TRPS1: variants seen among roughly 807,000 people sequenced by gnomAD.
TRPS1 encodes transcriptional repressor GATA binding 1.
TRPS1 carries 6 observed loss-of-function variants against 101.2 expected under a neutral mutation model. The ratio of observed to expected loss-of-function variants is 0.06; its 90% CI spans 0.03 to 0.12. TRPS1 has a LOEUF of 0.12. Among genes scored for constraint, TRPS1 ranks in the 10% least tolerant of loss-of-function variants. The pLI is 1.00. For missense variants in TRPS1, 1,363 were observed against 1,567.0 expected (o/e 0.87, Z 2.20); for synonymous variants, 578 against 589.8 (o/e 0.98, Z 0.29).
At chr8:115,478,906 T>C (rs2625675) in intron 5 of TRPS1, among the ~76,000 whole-genome samples, 47,641 of 148,320 alleles carry the variant, frequency 0.32, 9,101 homozygotes, top group Non-Finnish European at 0.45. Flanking sequence ...TATATGTATA[T>C]AAATGTATAT....
chr8:115,511,775 C>T (rs1475581170), intron 5 of TRPS1, among the ~76,000 whole-genome samples: 1 of 151,794 alleles, frequency 6.6e-6, no homozygotes, highest in African/African-American at 2.4e-5. Context: ...AATTGCTAGT[C>T]AAGTTAAATA....
At chr8:115,464,812 C>A (rs1357365308) in intron 5 of TRPS1, among the ~76,000 whole-genome samples, 1 of 152,060 alleles carries the variant, frequency 6.6e-6, no homozygotes, top group Non-Finnish European at 1.5e-5. Flanking sequence ...CTGTCAGGAA[C>A]ACTTTTATGT....
chr8:115,642,612 A>T (rs1818926535), intron 1 of TRPS1, among the ~76,000 whole-genome samples: 1 of 151,986 alleles, frequency 6.6e-6, no homozygotes, highest in Admixed American at 6.6e-5. Context: ...GCCAACAAAA[A>T]TTTAAAATTG....
chr8:115,417,390 G>C (rs1349831960), intron 6 of TRPS1, among the ~76,000 whole-genome samples: 1 of 152,106 alleles, frequency 6.6e-6, no homozygotes, highest in Admixed American at 6.6e-5. Context: ...AGAACATTTT[G>C]TCTAAAAGTG....
intron 5 of TRPS1, among the ~76,000 whole-genome samples, chr8:115,511,753 G>A (rs1040989829): frequency 6.6e-6 from 1 of 151,810 alleles, no homozygotes; most frequent in Non-Finnish European, 1.5e-5. Flanking sequence ...AGGGTGAATC[G>A]CTTGCAAGTT....
intron 5 of TRPS1, among the ~76,000 whole-genome samples, chr8:115,421,435 T>C (rs774261315): frequency 3.9e-5 from 6 of 152,224 alleles, no homozygotes; most frequent in Non-Finnish European, 5.9e-5. Context: ...AATCTTGTTA[T>C]TGAATATTTG....
chr8:115,515,448 T>A (rs1170524889), intron 5 of TRPS1, among the ~76,000 whole-genome samples: 2 of 151,526 alleles, frequency 1.3e-5, no homozygotes, highest in African/African-American at 4.8e-5. Context: ...TGTCATTAGT[T>A]TGGCATGTAG....
intron 5 of TRPS1, among the ~76,000 whole-genome samples, chr8:115,508,336 A>G (rs1206654738): frequency 6.6e-6 from 1 of 152,162 alleles, no homozygotes; most frequent in South Asian, 2.1e-4. Flanking sequence ...GAGAATCATC[A>G]TACACAGCTT....
chr8:115,484,312 T>A (rs1173770112), intron 5 of TRPS1, among the ~76,000 whole-genome samples: 2 of 152,158 alleles, frequency 1.3e-5, no homozygotes, highest in Non-Finnish European at 2.9e-5. Flanking sequence ...ATAATATGAC[T>A]AATATATATT....
intron 5 of TRPS1, among the ~76,000 whole-genome samples, chr8:115,581,549 C>T (rs1010533200): frequency 2.6e-5 from 4 of 151,878 alleles, no homozygotes; most frequent in African/African-American, 9.7e-5. Flanking sequence ...AAAAAAAGTG[C>T]TTTAAAAAAT....
chr8:115,443,713 G>A (rs1012647050), intron 5 of TRPS1, among the ~76,000 whole-genome samples: 6 of 152,078 alleles, frequency 3.9e-5, no homozygotes, highest in African/African-American at 9.7e-5. Flanking sequence ...CTGGGGTGAG[G>A]ACTAAAGGAA....
At chr8:115,643,584 G>A (rs1818951148) in intron 1 of TRPS1, among the ~76,000 whole-genome samples, 1 of 152,094 alleles carries the variant, frequency 6.6e-6, no homozygotes, top group African/African-American at 2.4e-5. Flanking sequence ...TAGTTCTCTT[G>A]CTATTTCTAC....
intron 5 of TRPS1, among the ~76,000 whole-genome samples, chr8:115,479,942 G>A (rs1442476049): frequency 6.6e-6 from 1 of 152,086 alleles, no homozygotes; most frequent in Non-Finnish European, 1.5e-5. Context: ...TTCCCAGGTA[G>A]TAAAATGGTT....
chr8:115,625,898 C>T (rs1009513689), intron 1 of TRPS1, among the ~76,000 whole-genome samples: 1 of 151,712 alleles, frequency 6.6e-6, no homozygotes, highest in African/African-American at 2.4e-5. Flanking sequence ...TATGTAATGC[C>T]AGATGACATT....
At chr8:115,445,793 G>C (rs1223227492) in intron 5 of TRPS1, among the ~76,000 whole-genome samples, 3 of 151,942 alleles carry the variant, frequency 2.0e-5, no homozygotes, top group African/African-American at 4.8e-5. Context: ...AAATTACTAA[G>C]GTAATACCTT....
chr8:115,473,297 G>A (rs1363432690), intron 5 of TRPS1, among the ~76,000 whole-genome samples: 1 of 152,156 alleles, frequency 6.6e-6, no homozygotes, highest in Non-Finnish European at 1.5e-5. Context: ...CATGATGGCG[G>A]GAAGGAGAAG....
chr8:115,555,217 T>G (rs1436031611), intron 5 of TRPS1, among the ~76,000 whole-genome samples: 2 of 152,218 alleles, frequency 1.3e-5, no homozygotes, highest in African/African-American at 2.4e-5. Context: ...GTTTTTTTTC[T>G]GTACTGCTAA....
At chr8:115,490,239 T>C (rs1814987449) in intron 5 of TRPS1, among the ~76,000 whole-genome samples, 1 of 152,144 alleles carries the variant, frequency 6.6e-6, no homozygotes, top group Non-Finnish European at 1.5e-5. Context: ...CCAGAAATGG[T>C]AGTAAGCAAG....
At chr8:115,612,800 A>G (rs1236107184) in intron 3 of TRPS1, among the ~76,000 whole-genome samples, 4 of 152,200 alleles carry the variant, frequency 2.6e-5, no homozygotes, top group African/African-American at 9.6e-5. Context: ...TGCTTTCTGA[A>G]TTCAATGAAA....
Sources: allele counts gnomAD v4.1 joint callset (sites outside exome capture counted in the v4.1 genomes callset), GRCh38; gene constraint gnomAD v4.1.1; transcripts MANE v1.5; gene names NCBI Gene and HGNC (gene_info 2026-07-23, HGNC 2026-07-21).